Variants in LAMC2 observed in about 807,000 individuals in gnomAD.
LAMC2 encodes the protein laminin subunit gamma-2.
In LAMC2, 97 loss-of-function variants were observed where a neutral mutation model predicts 140.2. The observed-to-expected ratio is 0.69, with a 90% CI of 0.59 to 0.82. LAMC2 has a LOEUF of 0.82. Ranked by LOEUF, LAMC2 falls within the 40% of genes least tolerant of loss-of-function variation. The pLI, the probability that LAMC2 is intolerant of heterozygous loss-of-function variation, is 0.00. For synonymous variants in LAMC2, 513 were observed against 540.2 expected (o/e 0.95, Z 0.70); for missense variants, 1,402 against 1,476.1 (o/e 0.95, Z 0.82).
At chr1:183,234,555 C>G (rs1659895812) in intron 15 of LAMC2, 109 bp downstream of exon 15, 1 of 908,408 alleles carries the variant, frequency 1.1e-6, no homozygotes, top group Non-Finnish European at 1.8e-6. Flanking sequence ...TCTCTCCAGG[C>G]TCCTTTGCAG....
intron 5 of LAMC2, among the ~76,000 whole-genome samples, chr1:183,221,720 C>A (rs922643685): frequency 6.6e-6 from 1 of 150,860 alleles, no homozygotes; most frequent in Admixed American, 6.6e-5. Flanking sequence ...CAGAGCGAGA[C>A]TCCGTCTTAA....
intron 1 of LAMC2, among the ~76,000 whole-genome samples, chr1:183,203,501 C>T (rs1200933528): frequency 1.5e-5 from 2 of 136,838 alleles, no homozygotes; most frequent in South Asian, 2.5e-4. Flanking sequence ...CCCCTAGTAG[C>T]GAGAGTAAGT....
Position 183,236,576 on chromosome 1 carries a change from T to A in LAMC2, c.2573T>A (p.Leu858His), listed in dbSNP as rs1659972099. ...CGCCTCCTGGATTCAGTGTCTCGGC[T>A]TCAGGGAGTCAGTGATCAGTCCTTT... is the stretch of plus-strand genomic sequence containing the variant. Reference protein sequence around the residue: ...SLRLLDSVSRLQGVSDQSFQV... With the variant: ...SLRLLDSVSRHQGVSDQSFQV... Residue 858 changes from leucine to histidine, a missense_variant, in exon 17 of 23, where the codon CTT becomes CAT. By Grantham distance (99) the Leu-to-His change is moderately conservative. Around this residue, in one of 3 missense-constraint regions of LAMC2, gnomAD observed 670 missense variants for 667.2 expected, o/e 1.00. Transcript: ENST00000264144. 6.2e-7 allele frequency: 1 copy of A among 1,614,130 alleles called. No individual in the cohort carries two copies. Among genetic ancestry groups the A allele is most frequent in the African/African-American group, 1.3e-5 (1 of 75,012 alleles).
At chr1:183,224,841 C>G (rs1183740513) in intron 7 of LAMC2, among the ~76,000 whole-genome samples, 1 of 152,128 alleles carries the variant, frequency 6.6e-6, no homozygotes, top group Non-Finnish European at 1.5e-5. Context: ...CTTTGTTTTT[C>G]CATGGTACTC....
downstream of LAMC2, among the ~76,000 whole-genome samples, chr1:183,246,946 A>C (rs1481193418): frequency 6.6e-6 from 1 of 152,256 alleles, no homozygotes; most frequent in African/African-American, 2.4e-5. Context: ...GTATGTGCAC[A>C]TATGTTAATT....
chr1:183,222,985 C>T (rs1253763846), intron 6 of LAMC2, 150 bp from the exon 7 acceptor site: 1 of 692,234 alleles, frequency 1.4e-6, no homozygotes, highest in Admixed American at 2.1e-5. Flanking sequence ...TAGCCATGTC[C>T]AGTACCAGGT....
At chr1:183,250,630 C>T in the LAMC2 span, 1 of 152,610 alleles carries the variant, frequency 6.6e-6, no homozygotes, top group Non-Finnish European at 1.5e-5. Flanking sequence ...GGCCTCTGCT[C>T]CCTCAACTTT....
At chr1:183,210,900 A>G (rs1659048578) in intron 2 of LAMC2, among the ~76,000 whole-genome samples, 1 of 152,240 alleles carries the variant, frequency 6.6e-6, no homozygotes. Flanking sequence ...TGCACATGTC[A>G]CCAAACCACT....
chr1:183,255,443 G>C, the LAMC2 span, among the ~76,000 whole-genome samples: 1 of 151,916 alleles, frequency 6.6e-6, no homozygotes, highest in African/African-American at 2.4e-5. Context: ...TTCTATTTCT[G>C]TGAAGTATGA....
chr1:183,235,767 C>A, intron 16 of LAMC2, 37 bp downstream of exon 16: 1 of 1,611,016 alleles, frequency 6.2e-7, no homozygotes, highest in African/African-American at 1.3e-5. Context: ...CTCATTATAC[C>A]TTGGATACTC....
rs1553267882 is a variant in LAMC2, at chr1:183,243,191, CAGAAGCTTTCCCGAGCCAAG to C, written c.3375_3394del (p.Gln1125HisfsTer38). Reference sequence around the variant, plus strand: ...TGAAGAGGGGCTGGTCTTACTGGAGCAGAAGCTTTCCCGAGCCAAGACCCAGATCAACAGCCAACTGCGGC... The same window carrying C: ...TGAAGAGGGGCTGGTCTTACTGGAGCACCCAGATCAACAGCCAACTGCGGC... On this transcript the variant is annotated frameshift_variant, in exon 23 of 23. Transcript: ENST00000264144. LOFTEE classifies it high-confidence loss of function. 1 of 1,600,284 alleles carries C rather than the reference CAGAAGCTTTCCCGAGCCAAG, an allele frequency of 6.2e-7. No individual in the cohort carries two copies. The highest frequency in any genetic ancestry group is 1.1e-5 in the South Asian group (1 of 90,344).
intron 7 of LAMC2, 149 bp from the exon 8 acceptor site, chr1:183,225,459 C>A: frequency 1.5e-6 from 1 of 665,712 alleles, no homozygotes; most frequent in East Asian, 2.8e-5. Flanking sequence ...AAGTACATGC[C>A]TATGAAAAGG....
intron 18 of LAMC2, 151 bp downstream of exon 18, chr1:183,237,655 G>C (rs1660007531): frequency 2.5e-6 from 2 of 792,568 alleles, no homozygotes; most frequent in Non-Finnish European, 4.3e-6. Flanking sequence ...AAGCCAGGAG[G>C]ATCGCTTGAA....
chr1:183,252,824 G>T, the LAMC2 span: 1 of 1,004,280 alleles, frequency 1.0e-6, no homozygotes, highest in Non-Finnish European at 1.6e-6. Context: ...TGTCTCCCCA[G>T]CACCCCATTT....
At chr1:183,200,531 CT>C (rs1323257909) in intron 1 of LAMC2, among the ~76,000 whole-genome samples, 1 of 152,174 alleles carries the variant, frequency 6.6e-6, no homozygotes, top group Non-Finnish European at 1.5e-5. Flanking sequence ...TCCCGATGAA[CT>C]GCTACTACTG....
rs10712142 is a variant in LAMC2, at chr1:183,242,839, C to CT, written c.3329-294dup. Among the ~76,000 whole-genome samples, 360 of 144,328 alleles carry CT rather than the reference C, an allele frequency of 2.5e-3. 1 individual carries two copies. The highest frequency in any genetic ancestry group is 6.1e-3 in the South Asian group (28 of 4,582). 94.7% of individuals were successfully genotyped at this position (144,328 alleles called of 152,430 possible). A position where few individuals can be genotyped will look rare whatever the true frequency, so the allele number is the denominator to read the frequency against. ...TCAGTCCCCTATGACCTTCAGTCCT[C>CT]TTTTTTTTTTTTTTCATAGCATAAA... On this transcript the variant is annotated intron_variant, in intron 22 of 22. Transcript: ENST00000264144.
At chr1:183,254,418 TTTTGTTTGTTTG>T in the LAMC2 span, among the ~76,000 whole-genome samples, 21 of 151,774 alleles carry the variant, frequency 1.4e-4, no homozygotes, top group Non-Finnish European at 2.9e-5. Flanking sequence ...TCTTCTGGTG[TTTTGTTTGTTTG>T]TTTGTTTGTT....
At chr1:183,247,260 C>T (rs113066839), downstream of LAMC2, among the ~76,000 whole-genome samples, 34 of 152,192 alleles carry the variant, frequency 2.2e-4, no homozygotes, top group African/African-American at 6.3e-4. Flanking sequence ...TGCAGTGAAC[C>T]GAGATCGCGC....
intron 1 of LAMC2, among the ~76,000 whole-genome samples, chr1:183,190,474 A>G (rs972135672): frequency 6.6e-6 from 1 of 151,972 alleles, no homozygotes; most frequent in Admixed American, 6.6e-5. Flanking sequence ...TGGATCTCGT[A>G]TCATTCCTTC....
Sources: allele counts gnomAD v4.1 joint callset (sites outside exome capture counted in the v4.1 genomes callset), GRCh38; gene constraint gnomAD v4.1.1; regional missense constraint gnomAD v4.1.1; transcripts MANE v1.5; gene names NCBI Gene and HGNC (gene_info 2026-07-23, HGNC 2026-07-21).